Variants in CIMAP2 observed in about 807,000 individuals in gnomAD.
CIMAP2 encodes ciliary microtubule-associated protein 2.
At chr1:54,811,765 G>GCCGGGGGGGGGGGGGGGGGGGGGCCCCCC in the CIMAP2 span, 1 of 1,301,332 alleles carries the variant, frequency 7.7e-7, no homozygotes, top group Non-Finnish European at 1.1e-6. Context: ...GGTTCTGACA[G>GCCGGGGGGGGGGGGGGGGGGGGGCCCCCC]CCTCCATGCC....
the CIMAP2 span, among the ~76,000 whole-genome samples, chr1:54,806,678 C>G: frequency 2.1e-5 from 3 of 146,126 alleles, no homozygotes; most frequent in East Asian, 2.0e-4. Context: ...ACAGCAAACC[C>G]CTGTACTCAT....
the CIMAP2 span, among the ~76,000 whole-genome samples, chr1:54,821,107 A>G: frequency 6.6e-6 from 1 of 152,140 alleles, no homozygotes; most frequent in South Asian, 2.1e-4. Flanking sequence ...ATTGCTGTTG[A>G]GTTCCTTGAA....
the CIMAP2 span, among the ~76,000 whole-genome samples, chr1:54,839,232 T>C: frequency 3.3e-5 from 5 of 152,006 alleles, no homozygotes; most frequent in African/African-American, 1.2e-4. Flanking sequence ...GAGTGATGTG[T>C]GGGGTGTGTA....
chr1:54,811,765 G>GCGGGGGGGGGGGGGCCCCCCCCC, the CIMAP2 span: 5 of 1,301,318 alleles, frequency 3.8e-6, no homozygotes, highest in African/African-American at 1.5e-5. Flanking sequence ...GGTTCTGACA[G>GCGGGGGGGGGGGGGCCCCCCCCC]CCTCCATGCC....
At chr1:54,806,313 C>CCACCTACA in the CIMAP2 span, 1 of 1,256,548 alleles carries the variant, frequency 8.0e-7, no homozygotes, top group Non-Finnish European at 1.1e-6. Context: ...GAGAGGGTGT[C>CCACCTACA]CACCTACACA....
the CIMAP2 span, among the ~76,000 whole-genome samples, chr1:54,829,672 C>T: frequency 6.6e-6 from 1 of 152,118 alleles, no homozygotes; most frequent in Non-Finnish European, 1.5e-5. Context: ...TTCATTTTTG[C>T]ATTCATATTT....
chr1:54,807,485 G>T, the CIMAP2 span: 1 of 1,459,236 alleles, frequency 6.9e-7, no homozygotes, highest in Non-Finnish European at 9.1e-7. Context: ...GGTAGACTGG[G>T]CGGGCGTGGC....
chr1:54,821,894 T>TTTTC, the CIMAP2 span, among the ~76,000 whole-genome samples: 1 of 79,346 alleles, frequency 1.3e-5, no homozygotes, highest in Non-Finnish European at 2.4e-5. Flanking sequence ...TTCTTTTTTT[T>TTTTC]TTTTTTTTTT....
the CIMAP2 span, among the ~76,000 whole-genome samples, chr1:54,811,054 C>T: frequency 6.6e-6 from 1 of 152,256 alleles, no homozygotes; most frequent in East Asian, 1.9e-4. Context: ...AACCTCCTTC[C>T]CTTGCTTGCA....
the CIMAP2 span, chr1:54,841,715 T>C: frequency 6.3e-7 from 1 of 1,593,552 alleles, no homozygotes; most frequent in African/African-American, 1.3e-5. Flanking sequence ...ACCTGTTCAT[T>C]CCCTATGGGT....
chr1:54,836,777 T>C, the CIMAP2 span, among the ~76,000 whole-genome samples: 1 of 151,508 alleles, frequency 6.6e-6, no homozygotes, highest in African/African-American at 2.4e-5. Flanking sequence ...CCGTGAGGGG[T>C]AAACGAGCCT....
chr1:54,808,615 G>GGGGC, the CIMAP2 span, among the ~76,000 whole-genome samples: 11 of 138,838 alleles, frequency 7.9e-5, no homozygotes, highest in South Asian at 2.8e-4. Context: ...GTGCTGCCGG[G>GGGGC]GGAGGGCAGT....
At chr1:54,813,943 T>C in the CIMAP2 span, 6 of 1,611,548 alleles carry the variant, frequency 3.7e-6, no homozygotes. Flanking sequence ...GAGGATTTAC[T>C]GGGCCAACCT....
chr1:54,828,680 G>A, the CIMAP2 span, among the ~76,000 whole-genome samples: 3 of 151,696 alleles, frequency 2.0e-5, no homozygotes, highest in East Asian at 5.8e-4. Context: ...ATTTTCGAGG[G>A]CTCTTTTTAC....
At chr1:54,811,773 G>GCGC in the CIMAP2 span, 11 of 1,325,048 alleles carry the variant, frequency 8.3e-6, no homozygotes, top group South Asian at 2.6e-5. Flanking sequence ...CAGCCTCCAT[G>GCGC]CCCCCACCCC....
At chr1:54,823,585 G>A in the CIMAP2 span, among the ~76,000 whole-genome samples, 1 of 152,196 alleles carries the variant, frequency 6.6e-6, no homozygotes, top group Non-Finnish European at 1.5e-5. Context: ...ATTGATAGGT[G>A]AGAACTTACT....
chr1:54,816,342 G>A, the CIMAP2 span, among the ~76,000 whole-genome samples: 2 of 152,168 alleles, frequency 1.3e-5, no homozygotes, highest in East Asian at 3.9e-4. Flanking sequence ...GCAGATGGCC[G>A]GGTTCTTGTC....
chr1:54,832,436 C>T, the CIMAP2 span, among the ~76,000 whole-genome samples: 1 of 152,074 alleles, frequency 6.6e-6, no homozygotes, highest in African/African-American at 2.4e-5. Flanking sequence ...AAGAAGTTAA[C>T]ACAAAAGGAT....
At chr1:54,831,079 T>G in the CIMAP2 span, among the ~76,000 whole-genome samples, 1 of 152,188 alleles carries the variant, frequency 6.6e-6, no homozygotes, top group African/African-American at 2.4e-5. Flanking sequence ...TAGTATTATA[T>G]CTAAAATGAC....
Sources: allele counts gnomAD v4.1 joint callset (sites outside exome capture counted in the v4.1 genomes callset), GRCh38; gene constraint gnomAD v4.1.1; transcripts MANE v1.5; gene names NCBI Gene and HGNC (gene_info 2026-07-23, HGNC 2026-07-21).